The following SLC24A3 variants were observed in gnomAD, a reference collection of about 807,000 sequenced individuals.
SLC24A3 encodes solute carrier family 24 member 3, also known as sodium/potassium/calcium exchanger 3.
A neutral mutation model predicts 75.8 loss-of-function variants in SLC24A3; 28 were observed. The ratio of observed to expected loss-of-function variants is 0.37; its 90% CI spans 0.27 to 0.51. The LOEUF is 0.51. Ranked by LOEUF, SLC24A3 falls within the 20% of genes least tolerant of loss-of-function variation. The pLI, the probability that SLC24A3 is intolerant of heterozygous loss-of-function variation, is 0.94. For missense variants in SLC24A3, 663 were observed against 847.8 expected, an observed-to-expected ratio of 0.78 and a Z score of 2.71; for synonymous variants, 372 against 334.1, an observed-to-expected ratio of 1.11 and a Z score of -1.24.
intron 3 of SLC24A3, among the ~76,000 whole-genome samples, chr20:19,559,546 A>ATGTAATAAATCATTG (rs1184472461): frequency 2.1e-4 from 32 of 151,964 alleles, no homozygotes; most frequent in Non-Finnish European, 5.9e-5. Flanking sequence ...TGTGTGTTCT[A>ATGTAATAAATCATTG]TGTAATAAAT....
chr20:19,358,440 G>T (rs1020399813), intron 2 of SLC24A3, among the ~76,000 whole-genome samples: 1 of 152,202 alleles, frequency 6.6e-6, no homozygotes, highest in Non-Finnish European at 1.5e-5. Flanking sequence ...GACCCCTCTT[G>T]ATACTTTTTG....
intron 2 of SLC24A3, among the ~76,000 whole-genome samples, chr20:19,336,859 C>T (rs754374231): frequency 6.6e-6 from 1 of 152,086 alleles, no homozygotes; most frequent in Non-Finnish European, 1.5e-5. Context: ...AAAACTTCCT[C>T]TTTATAAAAT....
intron 6 of SLC24A3, among the ~76,000 whole-genome samples, chr20:19,589,334 G>A (rs780259836): frequency 1.3e-5 from 2 of 152,248 alleles, no homozygotes; most frequent in African/African-American, 2.4e-5. Context: ...AGGCGGGGGA[G>A]CTAGAGTATT....
chr20:19,680,735 A>G (rs2032603957), intron 9 of SLC24A3, among the ~76,000 whole-genome samples: 1 of 152,168 alleles, frequency 6.6e-6, no homozygotes, highest in Admixed American at 6.5e-5. Context: ...CGTCTCTCTG[A>G]GGTCTTGTTG....
At chr20:19,425,883 T>C (rs1348823893) in intron 2 of SLC24A3, among the ~76,000 whole-genome samples, 1 of 152,214 alleles carries the variant, frequency 6.6e-6, no homozygotes, top group Non-Finnish European at 1.5e-5. Flanking sequence ...AGCCAGCTCG[T>C]GTGCCTTGGA....
At chr20:19,717,493 C>T in intron 15 of SLC24A3, 35 bp from the exon 16 acceptor site, 1 of 1,610,948 alleles carries the variant, frequency 6.2e-7, no homozygotes, top group Non-Finnish European at 8.5e-7. Flanking sequence ...GGAAGCCTAG[C>T]TTGTCAGAAG....
intron 6 of SLC24A3, among the ~76,000 whole-genome samples, chr20:19,607,785 T>A (rs2031617073): frequency 6.6e-6 from 1 of 152,194 alleles, no homozygotes; most frequent in Non-Finnish European, 1.5e-5. Context: ...TATCCTCTGC[T>A]CCATCAAATT....
intron 1 of SLC24A3, among the ~76,000 whole-genome samples, chr20:19,267,357 C>A (rs1046536310): frequency 7.2e-5 from 11 of 152,178 alleles, no homozygotes; most frequent in Non-Finnish European, 1.3e-4. Flanking sequence ...TGGGCTATAA[C>A]TACTAAATCA....
chr20:19,717,670 GCTTGGTCTCCT>G, intron 16 of SLC24A3, 77 bp downstream of exon 16: 1 of 1,530,426 alleles, frequency 6.5e-7, no homozygotes, highest in Non-Finnish European at 9.0e-7. Context: ...GACCAGATGA[GCTTGGTCTCCT>G]GGTGACTGGG....
At chr20:19,551,746 T>C (rs770560026) in intron 3 of SLC24A3, among the ~76,000 whole-genome samples, 3 of 152,116 alleles carry the variant, frequency 2.0e-5, no homozygotes, top group African/African-American at 4.8e-5. Context: ...TTTCTTCCCA[T>C]AGGACATGCT....
chr20:19,456,042 T>A (rs992800150), intron 2 of SLC24A3, among the ~76,000 whole-genome samples: 2 of 152,230 alleles, frequency 1.3e-5, no homozygotes, highest in African/African-American at 2.4e-5. Flanking sequence ...GGAAGTCCTC[T>A]GTGCTGCCAG....
Position 19,441,738 on chromosome 20 carries a change from G to A in SLC24A3, c.272-73750G>A, listed in dbSNP as rs1010183522. Among the ~76,000 whole-genome samples, 4 of 152,138 alleles carry A rather than the reference G, an allele frequency of 2.6e-5. No individual in the cohort carries two copies. The South Asian group carries it at 6.2e-4, about 24-fold the overall frequency. On this transcript the variant is annotated intron_variant, in intron 2 of 16. Transcript: ENST00000328041. ...TATTCTTGGTGTATAGTTCTGTGGG[G>A]TTTGCCAAATGCATAATGTCCTGTA... is the stretch of plus-strand genomic sequence containing the variant.
intron 1 of SLC24A3, among the ~76,000 whole-genome samples, chr20:19,223,060 A>G (rs1981773446): frequency 6.6e-6 from 1 of 152,140 alleles, no homozygotes; most frequent in Admixed American, 6.5e-5. Context: ...TGGGAGGCCG[A>G]GGTGGGCGGA....
intron 2 of SLC24A3, among the ~76,000 whole-genome samples, chr20:19,461,212 A>G (rs927712783): frequency 6.6e-6 from 1 of 152,192 alleles, no homozygotes; most frequent in African/African-American, 2.4e-5. Flanking sequence ...TTAAGATGCC[A>G]AGCCTGAGTT....
chr20:19,224,261 A>G (rs905059037), intron 1 of SLC24A3, among the ~76,000 whole-genome samples: 4 of 152,190 alleles, frequency 2.6e-5, no homozygotes, highest in African/African-American at 9.7e-5. Context: ...CTGCACACCC[A>G]TGTGTCTTTT....
intron 3 of SLC24A3, among the ~76,000 whole-genome samples, chr20:19,568,033 G>T (rs1171656261): frequency 6.6e-6 from 1 of 152,128 alleles, no homozygotes; most frequent in Admixed American, 6.5e-5. Flanking sequence ...CATATACAAA[G>T]ATGCTCAAAA....
At chr20:19,594,733 A>C (rs147815091) in intron 6 of SLC24A3, among the ~76,000 whole-genome samples, 1,665 of 152,262 alleles carry the variant, frequency 0.011, 11 homozygotes, top group Middle Eastern at 0.037. Context: ...GAGAGAGAGT[A>C]AGATATTAAT....
intron 6 of SLC24A3, among the ~76,000 whole-genome samples, chr20:19,633,264 T>A (rs959157161): frequency 8.5e-5 from 13 of 152,224 alleles, no homozygotes; most frequent in Non-Finnish European, 1.8e-4. Flanking sequence ...TTCCGAAGCC[T>A]TCCTCCTTGC....
chr20:19,315,391 G>C (rs866989743), intron 2 of SLC24A3, among the ~76,000 whole-genome samples: 4 of 152,342 alleles, frequency 2.6e-5, no homozygotes, highest in Middle Eastern at 3.4e-3. Flanking sequence ...AAAGAAGCAA[G>C]TGTATGGTTG....
Sources: allele counts gnomAD v4.1 joint callset (sites outside exome capture counted in the v4.1 genomes callset), GRCh38; gene constraint gnomAD v4.1.1; transcripts MANE v1.5; gene names NCBI Gene and HGNC (gene_info 2026-07-23, HGNC 2026-07-21).